The following CRB1 variants were observed in gnomAD, a reference collection of about 807,000 sequenced individuals.
The protein encoded by CRB1 is protein crumbs homolog 1.
CRB1 carries 83 observed loss-of-function variants against 120.0 expected under a neutral mutation model. The ratio of observed to expected loss-of-function variants is 0.69; its 90% CI spans 0.58 to 0.83. The LOEUF (loss-of-function observed/expected upper bound fraction) is 0.83. Among genes scored for constraint, CRB1 ranks in the 40% least tolerant of loss-of-function variants. CRB1 has a pLI of 0.00. For synonymous variants in CRB1, 625 were observed against 612.5 expected, an observed-to-expected ratio of 1.02 and a Z score of -0.30; for missense variants, 1,699 against 1,687.6, an observed-to-expected ratio of 1.01 and a Z score of -0.12.
At chr1:197,431,035 T>C (rs1173517344) in intron 8 of CRB1, among the ~76,000 whole-genome samples, 1 of 151,282 alleles carries the variant, frequency 6.6e-6, no homozygotes, top group South Asian at 2.1e-4. Flanking sequence ...CACTGCACTA[T>C]AGCCTGTGCA....
In CRB1 at chr1:197,429,656, G is replaced by A. The variant is rs761090505; in HGVS notation, c.2842+42G>A. 56 of 1,594,098 alleles carry A rather than the reference G, an allele frequency of 3.5e-5. No individual in the cohort carries two copies. In the South Asian group the frequency reaches 4.3e-4, roughly 12 times the overall value. On this transcript the variant is annotated intron_variant, in intron 8 of 11. Coordinates refer to ENST00000367400, the MANE Select transcript of CRB1 (RefSeq NM_201253.3). ...CCTACCATCTCACCAGTTAAGTTGCGACATTTGAGTTGTTCCAAGAGCAAA... is the reference window on the plus strand; with the variant it reads ...CCTACCATCTCACCAGTTAAGTTGCAACATTTGAGTTGTTCCAAGAGCAAA...
intron 11 of CRB1, chr1:197,443,458 G>A (rs1441550603): frequency 6.6e-6 from 1 of 151,586 alleles, no homozygotes; most frequent in Non-Finnish European, 1.5e-5. Flanking sequence ...CTAAATTTAT[G>A]AGCTCCTTGA....
intron 11 of CRB1, among the ~76,000 whole-genome samples, chr1:197,474,124 G>T (rs757098561): frequency 6.6e-6 from 1 of 152,164 alleles, no homozygotes; most frequent in Non-Finnish European, 1.5e-5. Context: ...ATGATAAATG[G>T]TATACTAATG....
the CRB1 span, among the ~76,000 whole-genome samples, chr1:197,210,551 G>GC: frequency 6.6e-6 from 1 of 151,924 alleles, no homozygotes; most frequent in Admixed American, 6.6e-5. Context: ...AGACTGGCCA[G>GC]CCCCCACAAT....
At chr1:197,238,688 A>C in the CRB1 span, among the ~76,000 whole-genome samples, 1 of 152,096 alleles carries the variant, frequency 6.6e-6, no homozygotes, top group East Asian at 1.9e-4. Context: ...TCTACTAAAA[A>C]TACAAAATTA....
At chr1:197,345,578 G>A (rs1050409647) in intron 3 of CRB1, among the ~76,000 whole-genome samples, 1 of 133,146 alleles carries the variant, frequency 7.5e-6, no homozygotes, top group Non-Finnish European at 1.5e-5. Context: ...GTGTGATCTT[G>A]GTTCACCGCA....
At chr1:197,279,718 G>A (rs1428356485) in intron 1 of CRB1, among the ~76,000 whole-genome samples, 1 of 151,548 alleles carries the variant, frequency 6.6e-6, no homozygotes, top group Non-Finnish European at 1.5e-5. Flanking sequence ...CTGTAGGCTG[G>A]TAAATAGCAA....
At chr1:197,420,862 G>A (rs1373032085) in intron 5 of CRB1, 138 bp from the exon 6 acceptor site, 2 of 677,562 alleles carry the variant, frequency 3.0e-6, no homozygotes, top group Non-Finnish European at 5.2e-6. Flanking sequence ...TCCTTATTAA[G>A]TGTTTACATT....
intron 2 of CRB1, among the ~76,000 whole-genome samples, chr1:197,339,173 C>G (rs752542443): frequency 6.6e-6 from 1 of 152,174 alleles, no homozygotes. Context: ...AATAATTATC[C>G]ACGTTTAATC....
intron 5 of CRB1, among the ~76,000 whole-genome samples, chr1:197,418,774 GTACTATGC>G (rs1439431454): frequency 1.3e-5 from 2 of 152,116 alleles, no homozygotes; most frequent in East Asian, 3.9e-4. Flanking sequence ...TACAAGCCAG[GTACTATGC>G]TATGTTTTAG....
the CRB1 span, among the ~76,000 whole-genome samples, chr1:197,245,812 C>T: frequency 6.6e-6 from 1 of 152,048 alleles, no homozygotes; most frequent in Non-Finnish European, 1.5e-5. Context: ...AGGGCAGGTT[C>T]CTTACATGAT....
At chr1:197,433,230 C>A (rs1476535778) in intron 8 of CRB1, among the ~76,000 whole-genome samples, 1 of 151,928 alleles carries the variant, frequency 6.6e-6, no homozygotes, top group African/African-American at 2.4e-5. Flanking sequence ...TTTAGGATTT[C>A]TTTTAAAGAT....
At chr1:197,342,826 C>T (rs137999764) in intron 2 of CRB1, among the ~76,000 whole-genome samples, 35 of 152,268 alleles carry the variant, frequency 2.3e-4, no homozygotes, top group African/African-American at 7.9e-4. Flanking sequence ...TATCCAACCT[C>T]GTTGTTAGTA....
chr1:197,291,842 G>T (rs914417855), intron 1 of CRB1, among the ~76,000 whole-genome samples: 1 of 151,720 alleles, frequency 6.6e-6, no homozygotes, highest in Non-Finnish European at 1.5e-5. Context: ...TATTCTCCAG[G>T]AAGGCTTGCA....
chr1:197,419,511 C>T (rs775940848), intron 5 of CRB1, among the ~76,000 whole-genome samples: 4 of 151,734 alleles, frequency 2.6e-5, no homozygotes, highest in Non-Finnish European at 5.9e-5. Context: ...TACAGGCATG[C>T]GCCACCATGC....
chr1:197,275,477 T>C (rs2125207710), intron 1 of CRB1, among the ~76,000 whole-genome samples: 1 of 152,214 alleles, frequency 6.6e-6, no homozygotes, highest in South Asian at 2.1e-4. Context: ...GATATCCTTG[T>C]ATTAACATGT....
the CRB1 span, among the ~76,000 whole-genome samples, chr1:197,252,578 ATATATGTGTGTG>A: frequency 7.0e-4 from 20 of 28,686 alleles, no homozygotes; most frequent in South Asian, 1.4e-3. Context: ...ATATATATAT[ATATATGTGTGTG>A]TGTGTGTGTG....
rs1016244815 is a variant in CRB1, at chr1:197,434,811, G to A, written c.2948G>A (p.Arg983Lys). Reference sequence around the variant, plus strand: ...AATATCACATTTGGTTTCAGAACAAGGGATGCAAATGTAATAATATTGCAT... The same window carrying A: ...AATATCACATTTGGTTTCAGAACAAAGGATGCAAATGTAATAATATTGCAT... ...LTNITFGFRT[R>K]DANVIILHAE... Residue 983 changes from arginine to lysine, a missense_variant, in exon 9 of 12, where the codon AGG becomes AAG. By Grantham distance (26) the Arg-to-Lys change is conservative (BLOSUM62 2). Transcript: ENST00000367400. 2 of 1,613,568 alleles carry A rather than the reference G, an allele frequency of 1.2e-6. No homozygotes were observed. Among genetic ancestry groups the A allele is most frequent in the Non-Finnish European group, 8.5e-7 (1 of 1,179,694 alleles).
chr1:197,447,626 G>C (rs536240133), intron 11 of CRB1, among the ~76,000 whole-genome samples: 2 of 152,102 alleles, frequency 1.3e-5, no homozygotes, highest in African/African-American at 4.8e-5. Context: ...AAGATCACTT[G>C]AGTCTAGGAT....
Sources: allele counts gnomAD v4.1 joint callset (sites outside exome capture counted in the v4.1 genomes callset), GRCh38; gene constraint gnomAD v4.1.1; transcripts MANE v1.5; gene names NCBI Gene and HGNC (gene_info 2026-07-23, HGNC 2026-07-21).